The following RB1 variants were observed in gnomAD, a reference collection of about 807,000 sequenced individuals.
The protein encoded by RB1 is retinoblastoma-associated protein.
RB1 carries 18 observed loss-of-function variants against 135.4 expected under a neutral mutation model. The observed-to-expected ratio is 0.13, with a 90% CI of 0.09 to 0.20. The LOEUF is 0.20. Among genes scored for constraint, RB1 ranks in the 10% least tolerant of loss-of-function variants. RB1 has a pLI of 1.00. For synonymous variants in RB1, 365 were observed against 373.2 expected, an observed-to-expected ratio of 0.98 and a Z score of 0.25; for missense variants, 868 against 1,110.0, an observed-to-expected ratio of 0.78 and a Z score of 3.10.
intron 17 of RB1, among the ~76,000 whole-genome samples, chr13:48,425,149 G>A (rs891498753): frequency 7.2e-5 from 11 of 152,132 alleles, no homozygotes; most frequent in Admixed American, 5.9e-4. Context: ...GAGAATCTAC[G>A]AATTTAGTAA....
intron 23 of RB1, among the ~76,000 whole-genome samples, chr13:48,471,524 A>C (rs1203535634): frequency 6.0e-5 from 8 of 133,768 alleles, no homozygotes; most frequent in African/African-American, 2.2e-4. Context: ...ACTAACCTGC[A>C]CAATGTGCAC....
chr13:48,457,997 C>T (rs764773855), intron 19 of RB1, among the ~76,000 whole-genome samples: 5 of 152,182 alleles, frequency 3.3e-5, no homozygotes, highest in Non-Finnish European at 7.3e-5. Flanking sequence ...GGGTGGGACT[C>T]CTACCTGCTC....
chr13:48,347,787 G>C (rs3092884), intron 4 of RB1, 38 bp from the exon 5 acceptor site: 1 of 1,463,320 alleles, frequency 6.8e-7, no homozygotes, highest in East Asian at 2.3e-5. Flanking sequence ...TCTAAATTAC[G>C]AAAAAATGTT....
In RB1 at chr13:48,480,534, TTTGA is replaced by T. The variant is rs1949532593; in HGVS notation, c.*468_*471del. Reference sequence around the variant, plus strand: ...TGTCCTATCTATCTTCCAAATGCAATTTGATTGACTGCCCATTCACCAAAATTAT... The same window carrying T: ...TGTCCTATCTATCTTCCAAATGCAATTTGACTGCCCATTCACCAAAATTAT... On this transcript the variant is annotated 3_prime_UTR_variant, in exon 27 of 27. Transcript: ENST00000267163. 4.4e-6 allele frequency: 1 copy of T among 228,474 alleles called. No homozygotes were observed. Among genetic ancestry groups the T allele is most frequent in the South Asian group, 1.8e-4 (1 of 5,618 alleles). 14.2% of individuals were successfully genotyped at this position (228,474 alleles called of 1,614,324 possible). A position where few individuals can be genotyped will look rare whatever the true frequency, so the allele number is the denominator to read the frequency against.
At chr13:48,371,050 T>A (rs187574198) in intron 11 of RB1, among the ~76,000 whole-genome samples, 1 of 152,334 alleles carries the variant, frequency 6.6e-6, no homozygotes, top group African/African-American at 2.4e-5. Context: ...TCTGGGGAAC[T>A]ATTAGCAGCT....
intron 6 of RB1, among the ~76,000 whole-genome samples, chr13:48,351,556 T>G (rs1952547953): frequency 6.6e-6 from 1 of 152,214 alleles, no homozygotes; most frequent in Admixed American, 6.5e-5. Flanking sequence ...CTGTTGATTG[T>G]TTCTTTTGCT....
chr13:48,304,499 C>G (rs1020610193), intron 1 of RB1, among the ~76,000 whole-genome samples: 1 of 152,118 alleles, frequency 6.6e-6, no homozygotes, highest in Non-Finnish European at 1.5e-5. Flanking sequence ...TATTTTCTTC[C>G]GGGCGTGCAC....
In RB1 at chr13:48,380,093, T is replaced by C. The variant is rs183417081; in HGVS notation, c.1421+9T>C. ...TCCATTCAAAATTTTAGGTAAATTT[T>C]TTACTTTTAGTAAAAAATTTTTTTC... On this transcript the variant is annotated intron_variant, in intron 15 of 26. Coordinates refer to ENST00000267163, the MANE Select transcript of RB1 (RefSeq NM_000321.3). The C allele has an allele frequency of 1.7e-4, 248 of 1,426,818 alleles. No individual in the cohort carries two copies. The African/African-American group carries it at 3.4e-3, about 20-fold the overall frequency. 88.4% of individuals were successfully genotyped at this position (1,426,818 alleles called of 1,614,324 possible).
At chr13:48,361,758 C>G (rs775622793) in intron 7 of RB1, among the ~76,000 whole-genome samples, 13 of 151,850 alleles carry the variant, frequency 8.6e-5, no homozygotes, top group Non-Finnish European at 1.5e-4. Context: ...TCTCTTCCAT[C>G]CTTTCTTTTT....
intron 12 of RB1, among the ~76,000 whole-genome samples, chr13:48,375,430 T>A (rs991127464): frequency 2.6e-5 from 4 of 151,560 alleles, no homozygotes; most frequent in Non-Finnish European, 4.4e-5. Context: ...ACAATTCTTT[T>A]ATGACAGGAA....
chr13:48,360,258 A>G, intron 7 of RB1, 131 bp downstream of exon 7: 1 of 1,499,310 alleles, frequency 6.7e-7, no homozygotes, highest in Non-Finnish European at 8.9e-7. Flanking sequence ...CTTTGCCCAT[A>G]AGTAGTGTAA....
At chr13:48,426,050 A>T (rs538560549) in intron 17 of RB1, among the ~76,000 whole-genome samples, 30 of 152,284 alleles carry the variant, frequency 2.0e-4, no homozygotes, top group African/African-American at 7.0e-4. Flanking sequence ...TGCATAAAGG[A>T]TAATAGAAAG....
In RB1 at chr13:48,347,805, CATA is replaced by C. The variant is rs755753209; in HGVS notation, c.501-17_501-15del. On this transcript the variant is annotated splice_polypyrimidine_tract_variant and intron_variant, in intron 4 of 26. Coordinates refer to ENST00000267163, the MANE Select transcript of RB1 (RefSeq NM_000321.3). Reference sequence around the variant, plus strand: ...AAATTACGAAAAAATGTTAAAAAGTCATAATGTTTTTCTTTTCAGGACATGTGA... The same window carrying C: ...AAATTACGAAAAAATGTTAAAAAGTCATGTTTTTCTTTTCAGGACATGTGA... 9.0e-6 allele frequency: 14 copies of C among 1,552,202 alleles called. No homozygotes were observed. Among genetic ancestry groups the C allele is most frequent in the African/African-American group, 1.4e-5 (1 of 73,582 alleles).
chr13:48,441,411 C>A (rs1459428325), intron 17 of RB1, among the ~76,000 whole-genome samples: 1 of 152,134 alleles, frequency 6.6e-6, no homozygotes, highest in Non-Finnish European at 1.5e-5. Flanking sequence ...CAACGGGTTT[C>A]CAAACATATA....
intron 17 of RB1, among the ~76,000 whole-genome samples, chr13:48,417,980 TC>T (rs1450231190): frequency 3.9e-5 from 6 of 152,080 alleles, no homozygotes; most frequent in Admixed American, 3.9e-4. Context: ...CAGGAGAATT[TC>T]CCCAACCTAG....
At chr13:48,478,582 A>G (rs1265936787) in intron 26 of RB1, among the ~76,000 whole-genome samples, 1 of 152,186 alleles carries the variant, frequency 6.6e-6, no homozygotes, top group African/African-American at 2.4e-5. Flanking sequence ...CAGTTGCTAT[A>G]GTTAGTACAT....
At chr13:48,416,363 A>T (rs991474833) in intron 17 of RB1, 1 of 152,292 alleles carries the variant, frequency 6.6e-6, no homozygotes, top group South Asian at 2.1e-4. Flanking sequence ...AAGGGAAGCC[A>T]TGAGGGAATG....
At chr13:48,387,671 A>T (rs1948580662) in intron 17 of RB1, among the ~76,000 whole-genome samples, 1 of 152,172 alleles carries the variant, frequency 6.6e-6, no homozygotes, top group African/African-American at 2.4e-5. Flanking sequence ...TGAATATACT[A>T]AAAACTATTG....
At position 48,464,062 on chromosome 13, in the gene RB1, TAATA is replaced by T. The variant is rs372711782; in HGVS notation, c.2211+233_2211+236del. 7.2e-5 allele frequency among the ~76,000 whole-genome samples: 11 copies of T among 152,314 alleles called. No homozygotes were observed. In the South Asian group the frequency reaches 2.1e-3, roughly 29 times the overall value. On this transcript the variant is annotated intron_variant, in intron 21 of 26. Transcript: ENST00000267163. ...CCATATTCATAGTTTTTTATAAAGT[TAATA>T]AATAATATTTTATCCCTGTAATAAG... is the stretch of plus-strand genomic sequence containing the variant.
Sources: gnomAD v4.1 joint callset for allele counts (sites outside exome capture counted in the v4.1 genomes callset) on GRCh38, gnomAD v4.1.1 for gene constraint, MANE v1.5 for transcripts, NCBI Gene and HGNC (gene_info 2026-07-23, HGNC 2026-07-21) for gene names.